CIB4: variants seen among roughly 807,000 people sequenced by gnomAD.
CIB4 encodes the protein calcium and integrin binding family member 4, also known as calcium and integrin-binding family member 4.
CIB4 carries 25 observed loss-of-function variants against 25.8 expected under a neutral mutation model. That is an observed-to-expected ratio of 0.97 (90% CI 0.71 to 1.35). The LOEUF (loss-of-function observed/expected upper bound fraction) is 1.35, where lower values mean the gene tolerates loss of function less well. Ranked by LOEUF, CIB4 falls within the 40% of genes most tolerant of loss-of-function variation. The pLI, the probability that CIB4 is intolerant of heterozygous loss-of-function variation, is 0.00. For synonymous variants in CIB4, 75 were observed against 81.4 expected, an observed-to-expected ratio of 0.92 and a Z score of 0.42; for missense variants, 235 against 228.2, an observed-to-expected ratio of 1.03 and a Z score of -0.19.
At chr2:26,640,663 C>A (rs1669618446) in intron 1 of CIB4, 96 bp from the exon 2 acceptor site, 2 of 1,329,838 alleles carry the variant, frequency 1.5e-6, no homozygotes, top group Non-Finnish European at 2.1e-6. Context: ...GAGGAAATGC[C>A]CATTCTTTTG....
chr2:26,583,944 A>T (rs747928447), intron 4 of CIB4, 46 bp from the exon 5 acceptor site: 26 of 1,275,658 alleles, frequency 2.0e-5, no homozygotes, highest in Non-Finnish European at 3.0e-5. Context: ...CTGGGGGCTA[A>T]ACAGGAAGAG....
intron 4 of CIB4, among the ~76,000 whole-genome samples, chr2:26,588,043 G>A (rs1263154451): frequency 6.6e-6 from 1 of 152,218 alleles, no homozygotes; most frequent in Non-Finnish European, 1.5e-5. Context: ...GTCAGGACTG[G>A]AGCCTCTCTC....
chr2:26,609,492 G>A (rs1244892603), intron 3 of CIB4, among the ~76,000 whole-genome samples: 1 of 152,140 alleles, frequency 6.6e-6, no homozygotes, highest in East Asian at 1.9e-4. Flanking sequence ...GTTTTGTCTG[G>A]GTGAATGTGA....
intron 3 of CIB4, among the ~76,000 whole-genome samples, chr2:26,602,912 T>C (rs1297117220): frequency 6.6e-6 from 1 of 151,952 alleles, no homozygotes; most frequent in Non-Finnish European, 1.5e-5. Flanking sequence ...TAAAATAAGC[T>C]GGTGTGGTGT....
chr2:26,605,465 C>G (rs1668870488), intron 3 of CIB4: 1 of 470,094 alleles, frequency 2.1e-6, no homozygotes, highest in Admixed American at 2.4e-5. Flanking sequence ...CCCACGGTGA[C>G]TTGGACGCCA....
intron 4 of CIB4, among the ~76,000 whole-genome samples, chr2:26,590,439 T>A (rs1668566354): frequency 6.6e-6 from 1 of 152,110 alleles, no homozygotes; most frequent in African/African-American, 2.4e-5. Context: ...ATAAGCTTCC[T>A]GGCAGTGCTG....
chr2:26,616,301 G>A (rs573152376), intron 3 of CIB4, among the ~76,000 whole-genome samples: 3 of 152,360 alleles, frequency 2.0e-5, no homozygotes, highest in African/African-American at 7.2e-5. Context: ...CCCTGGGTGA[G>A]CGAAGAGTGG....
At chr2:26,611,864 C>T (rs1419727409) in intron 3 of CIB4, among the ~76,000 whole-genome samples, 1 of 151,862 alleles carries the variant, frequency 6.6e-6, no homozygotes, top group Non-Finnish European at 1.5e-5. Flanking sequence ...GAAAAGAGCA[C>T]AGAATAAAAT....
intron 3 of CIB4, among the ~76,000 whole-genome samples, chr2:26,625,532 A>G (rs1669286887): frequency 6.6e-6 from 1 of 152,028 alleles, no homozygotes; most frequent in African/African-American, 2.4e-5. Context: ...TTGTATTTTT[A>G]GTAGAGACGG....
intron 2 of CIB4, among the ~76,000 whole-genome samples, chr2:26,635,079 A>G (rs1669506557): frequency 6.6e-6 from 1 of 152,248 alleles, no homozygotes. Flanking sequence ...GCATCTCGGG[A>G]AAAGGCTTCT....
chr2:26,581,744 C>T (rs181435899), intron 6 of CIB4, among the ~76,000 whole-genome samples: 15 of 152,336 alleles, frequency 9.8e-5, no homozygotes, highest in Admixed American at 5.2e-4. Flanking sequence ...GGGGTGGTCC[C>T]AAGTGTGCAT....
rs71399396 is a variant in CIB4 at position 26,587,304 on chromosome 2, C to CAAAAAAA, written c.329-3413_329-3407dup. Among the ~76,000 whole-genome samples, 781 of 61,308 alleles carry CAAAAAAA rather than the reference C, an allele frequency of 0.013. 181 individuals are homozygous for CAAAAAAA. The East Asian group carries it at 0.15, about 12-fold the overall frequency. The allele number at this position is 61,308 out of a possible 152,430, so 40.2% of individuals were successfully genotyped here. A position where few individuals can be genotyped will look rare whatever the true frequency, so the allele number is the denominator to read the frequency against. On this transcript the variant is annotated intron_variant, in intron 4 of 6. Transcript: ENST00000288861. ...TGGGCGACAGAGCAAGACTCCGTCT[C>CAAAAAAA]AAAAAAAAAAAAAAAAAAAAAAAAG...
intron 3 of CIB4, among the ~76,000 whole-genome samples, chr2:26,610,148 G>A (rs1668971224): frequency 6.6e-6 from 1 of 152,200 alleles, no homozygotes; most frequent in South Asian, 2.1e-4. Flanking sequence ...ATGGTGTCAG[G>A]GCTGCTTTGC....
chr2:26,612,302 G>A (rs530149226), intron 3 of CIB4, among the ~76,000 whole-genome samples: 1 of 152,354 alleles, frequency 6.6e-6, no homozygotes, highest in African/African-American at 2.4e-5. Context: ...AAGTTCAGTG[G>A]AAGATGGCCC....
At chr2:26,629,610 G>A in intron 2 of CIB4, 104 bp from the exon 3 acceptor site, 2 of 750,454 alleles carry the variant, frequency 2.7e-6, no homozygotes, top group South Asian at 3.0e-5. Context: ...CAAGGGGTGG[G>A]GGTGTCTCTT....
chr2:26,623,969 A>G (rs1317137534), intron 3 of CIB4, among the ~76,000 whole-genome samples: 2 of 152,226 alleles, frequency 1.3e-5, no homozygotes, highest in Non-Finnish European at 2.9e-5. Flanking sequence ...TAAATACACC[A>G]AATCCATCAG....
intron 4 of CIB4, among the ~76,000 whole-genome samples, chr2:26,594,800 C>T (rs1148961): frequency 0.97 from 147,328 of 152,230 alleles, 71,477 homozygotes; most frequent in South Asian, 1. Flanking sequence ...AAAGGTGAAA[C>T]GATTTGTCCA....
At chr2:26,609,220 C>T (rs1343256610) in intron 3 of CIB4, among the ~76,000 whole-genome samples, 3 of 152,134 alleles carry the variant, frequency 2.0e-5, no homozygotes, top group Admixed American at 6.5e-5. Context: ...TCTGAACAGG[C>T]CTGGGTGGAG....
chr2:26,612,836 T>A (rs1558565981), intron 3 of CIB4, among the ~76,000 whole-genome samples: 1 of 152,150 alleles, frequency 6.6e-6, no homozygotes, highest in Non-Finnish European at 1.5e-5. Context: ...AGGGGGAGGT[T>A]CTGCATCAAC....
Sources: allele counts gnomAD v4.1 joint callset (sites outside exome capture counted in the v4.1 genomes callset), GRCh38; gene constraint gnomAD v4.1.1; transcripts MANE v1.5; gene names NCBI Gene and HGNC (gene_info 2026-07-23, HGNC 2026-07-21).